ITGB1: variants seen among roughly 807,000 people sequenced by gnomAD.
ITGB1 encodes integrin beta-1.
In ITGB1, 24 loss-of-function variants were observed where a neutral mutation model predicts 86.5. That is an observed-to-expected ratio of 0.28 (90% CI 0.20 to 0.39). The LOEUF is 0.39. Ranked by LOEUF, ITGB1 falls within the 10% of genes least tolerant of loss-of-function variation. The pLI is 1.00. For synonymous variants in ITGB1, 323 were observed against 316.8 expected (o/e 1.02, Z -0.21); for missense variants, 556 against 946.9 (o/e 0.59, Z 5.42).
rs981149664 is a variant in ITGB1 at position 32,952,788 on chromosome 10, A to T, written c.-1+5357T>A. Among the ~76,000 whole-genome samples, 11 of 152,072 alleles carry T rather than the reference A, an allele frequency of 7.2e-5. No individual in the cohort carries two copies. In the East Asian group the frequency reaches 1.9e-3, roughly 27 times the overall value. On this transcript the variant is annotated intron_variant, in intron 1 of 15. Transcript: ENST00000302278. Reference sequence around the variant, plus strand: ...GCCTCTTCATCTCCTCACCAACCACAATCAACTTAATTAACTACTCCTTCT... The same window carrying T: ...GCCTCTTCATCTCCTCACCAACCACTATCAACTTAATTAACTACTCCTTCT...
intron 11 of ITGB1, among the ~76,000 whole-genome samples, chr10:32,915,690 A>T (rs953757792): frequency 2.9e-4 from 44 of 152,212 alleles, no homozygotes; most frequent in Non-Finnish European, 1.2e-4. Context: ...CCAACCAAAA[A>T]AAGTCCAAGA....
chr10:32,930,524 T>C (rs1464603895), intron 3 of ITGB1, among the ~76,000 whole-genome samples: 1 of 152,166 alleles, frequency 6.6e-6, no homozygotes, highest in Admixed American at 6.6e-5. Flanking sequence ...AACATCTCAA[T>C]TAATTATTGC....
intron 2 of ITGB1, chr10:32,933,396 T>C (rs544727558): frequency 6.6e-6 from 1 of 152,330 alleles, no homozygotes; most frequent in East Asian, 1.9e-4. Flanking sequence ...GTTAAATAAC[T>C]GAAAAGTCCA....
intron 4 of ITGB1, among the ~76,000 whole-genome samples, chr10:32,929,212 A>AAAAAG (rs71299730): frequency 0.098 from 14,784 of 151,504 alleles, 847 homozygotes; most frequent in South Asian, 0.28. Flanking sequence ...GTTAAAAAAA[A>AAAAAG]TCCTGACAAG....
chr10:32,919,358 AG>A (rs2094941659), intron 11 of ITGB1, among the ~76,000 whole-genome samples: 1 of 152,244 alleles, frequency 6.6e-6, no homozygotes, highest in Admixed American at 6.5e-5. Context: ...TAGTTTTCTT[AG>A]TACTAGATTC....
Position 32,901,648 on chromosome 10 carries a change from A to G in ITGB1, c.2332-13T>C. On this transcript the variant is annotated splice_polypyrimidine_tract_variant and intron_variant, in intron 15 of 15. Transcript: ENST00000302278. ...TAGGATTTTCACCCTACAACAAAAA[A>G]AAAGTGAGAAAAATTATCAGTTACC... 2 of 1,547,114 alleles carry G rather than the reference A, an allele frequency of 1.3e-6. No individual in the cohort carries two copies. Among genetic ancestry groups the G allele is most frequent in the Non-Finnish European group, 1.8e-6 (2 of 1,126,978 alleles).
intron 5 of ITGB1, among the ~76,000 whole-genome samples, chr10:32,926,753 C>T (rs542502005): frequency 6.6e-6 from 1 of 152,278 alleles, no homozygotes; most frequent in East Asian, 1.9e-4. Flanking sequence ...TAAGAATAGA[C>T]TCCTACAGTG....
At chr10:32,932,475 C>G in intron 3 of ITGB1, 40 bp downstream of exon 3, 1 of 1,111,352 alleles carries the variant, frequency 9.0e-7, no homozygotes. Context: ...CACTAAATGA[C>G]CAGAGAACAA....
chr10:32,946,512 G>A (rs2095031493), intron 1 of ITGB1, among the ~76,000 whole-genome samples: 1 of 152,126 alleles, frequency 6.6e-6, no homozygotes, highest in South Asian at 2.1e-4. Context: ...TGATTCCTCA[G>A]TGGGGCAACA....
intron 4 of ITGB1, among the ~76,000 whole-genome samples, chr10:32,929,519 T>G (rs192416060): frequency 6.6e-6 from 1 of 152,344 alleles, no homozygotes; most frequent in African/African-American, 2.4e-5. Flanking sequence ...TAATATATTA[T>G]GTAATTAGAC....
chr10:32,930,921 T>A (rs1487725743), intron 3 of ITGB1, among the ~76,000 whole-genome samples: 2 of 151,288 alleles, frequency 1.3e-5, no homozygotes, highest in Admixed American at 6.6e-5. Context: ...AGACTGTGAA[T>A]AAAGGTGTTT....
Position 32,932,560 on chromosome 10 carries a change from T to C in ITGB1, c.108A>G (p.Gly36=), listed in dbSNP as rs751684588. ...AATTTGGCCCTGCTTGTATACATTC[T>C]CCACATGATTTGGCATTTGCTTTTA... ...RCLKANAKSC[G]ECIQAGPNCG... The change falls in exon 3 of 16, where the codon GGA becomes GGG. Residue 36 remains glycine, a synonymous_variant. Transcript: ENST00000302278. 6.2e-7 allele frequency: 1 copy of C among 1,610,842 alleles called. No individual in the cohort carries two copies. The highest frequency in any genetic ancestry group is 1.7e-5 in the Admixed American group (1 of 60,004).
chr10:32,946,576 A>G (rs573849716), intron 1 of ITGB1, among the ~76,000 whole-genome samples: 42 of 152,200 alleles, frequency 2.8e-4, no homozygotes, highest in Admixed American at 8.5e-4. Flanking sequence ...CATATGAGAG[A>G]AGGAGGAAAA....
intron 1 of ITGB1, among the ~76,000 whole-genome samples, chr10:32,938,374 T>C (rs2095009256): frequency 6.6e-6 from 1 of 152,192 alleles, no homozygotes; most frequent in Non-Finnish European, 1.5e-5. Context: ...CAGATACATG[T>C]TTCTTCAGGA....
intron 1 of ITGB1, among the ~76,000 whole-genome samples, chr10:32,946,753 G>C (rs867561126): frequency 4.7e-5 from 5 of 106,182 alleles, no homozygotes; most frequent in East Asian, 2.2e-4. Flanking sequence ...TATTTCTGGG[G>C]GGGGGGGGGG....
chr10:32,919,804 C>T (rs1325787049), intron 11 of ITGB1, 81 bp downstream of exon 11: 4 of 1,231,630 alleles, frequency 3.2e-6, no homozygotes, highest in Non-Finnish European at 4.8e-6. Context: ...GAGAGATATT[C>T]TCTGGATGTC....
intron 11 of ITGB1, among the ~76,000 whole-genome samples, chr10:32,916,445 C>T (rs548648539): frequency 1.6e-3 from 238 of 152,310 alleles, no homozygotes; most frequent in Non-Finnish European, 2.9e-3. Flanking sequence ...AAAACCCCAT[C>T]GTCTCAGCCC....
At chr10:32,905,937 T>C (rs2094895124) in intron 15 of ITGB1, among the ~76,000 whole-genome samples, 1 of 152,214 alleles carries the variant, frequency 6.6e-6, no homozygotes, top group Non-Finnish European at 1.5e-5. Context: ...ACCTTTGTTA[T>C]CAGAGTTTTA....
At chr10:32,946,007 CATT>C (rs2095030553) in intron 1 of ITGB1, among the ~76,000 whole-genome samples, 1 of 152,146 alleles carries the variant, frequency 6.6e-6, no homozygotes, top group South Asian at 2.1e-4. Context: ...CAGAAATTGA[CATT>C]ATAAGTTCTT....
Sources: gnomAD v4.1 joint callset for allele counts (sites outside exome capture counted in the v4.1 genomes callset) on GRCh38, gnomAD v4.1.1 for gene constraint, MANE v1.5 for transcripts, NCBI Gene and HGNC (gene_info 2026-07-23, HGNC 2026-07-21) for gene names.